Variants in FAM169A observed in about 807,000 individuals in gnomAD.
FAM169A encodes the protein soluble lamin-associated protein of 75 kDa.
In FAM169A, 24 loss-of-function variants were observed where a neutral mutation model predicts 75.7. That is an observed-to-expected ratio of 0.32 (90% CI 0.23 to 0.45). FAM169A has a LOEUF of 0.45. FAM169A is among the 20% of genes least tolerant of loss of function. The pLI, the probability that FAM169A is intolerant of heterozygous loss-of-function variation, is 1.00. For missense variants in FAM169A, 673 were observed against 784.0 expected, an observed-to-expected ratio of 0.86 and a Z score of 1.69; for synonymous variants, 271 against 271.0, an observed-to-expected ratio of 1.00 and a Z score of 0.00.
intron 5 of FAM169A, 104 bp downstream of exon 5, chr5:74,834,322 A>G (rs1220667582): frequency 5.0e-6 from 3 of 594,850 alleles, no homozygotes; most frequent in Non-Finnish European, 7.7e-6. Context: ...AATCACCTCA[A>G]TTTGCATGCT....
intron 6 of FAM169A, among the ~76,000 whole-genome samples, chr5:74,812,530 T>C (rs1310983116): frequency 6.6e-6 from 1 of 151,908 alleles, no homozygotes; most frequent in Non-Finnish European, 1.5e-5. Flanking sequence ...TCCTCCCACC[T>C]CAGCCTTTGG....
At chr5:74,851,848 C>G (rs914274189) in intron 1 of FAM169A, among the ~76,000 whole-genome samples, 1 of 152,138 alleles carries the variant, frequency 6.6e-6, no homozygotes, top group Non-Finnish European at 1.5e-5. Context: ...TTATACCTGG[C>G]TTCTCTACCA....
intron 5 of FAM169A, among the ~76,000 whole-genome samples, chr5:74,825,521 T>TA (rs1747976732): frequency 6.6e-6 from 1 of 152,200 alleles, no homozygotes; most frequent in Admixed American, 6.5e-5. Flanking sequence ...TTTTCTCTCT[T>TA]AGTTTCCTAA....
At chr5:74,794,826 G>T (rs190530971) in intron 11 of FAM169A, among the ~76,000 whole-genome samples, 1 of 151,714 alleles carries the variant, frequency 6.6e-6, no homozygotes, top group African/African-American at 2.4e-5. Flanking sequence ...GCGTGTTGGT[G>T]TACCTGTAAT....
At chr5:74,821,078 A>G (rs896315906) in intron 5 of FAM169A, among the ~76,000 whole-genome samples, 1 of 152,124 alleles carries the variant, frequency 6.6e-6, no homozygotes, top group African/African-American at 2.4e-5. Context: ...CACACGTTCT[A>G]TTCTTTTAAT....
intron 5 of FAM169A, among the ~76,000 whole-genome samples, chr5:74,824,700 C>CACACACAT (rs1185043529): frequency 1.6e-5 from 2 of 124,452 alleles, no homozygotes; most frequent in Admixed American, 7.7e-5. Flanking sequence ...TTTCCTGATA[C>CACACACAT]ACACACATAC....
intron 1 of FAM169A, among the ~76,000 whole-genome samples, chr5:74,853,937 G>T (rs1383571712): frequency 1.3e-4 from 19 of 149,506 alleles, no homozygotes; most frequent in South Asian, 6.3e-4. Flanking sequence ...TTTTAAAGCT[G>T]AAGTTAAAAA....
chr5:74,849,707 A>C (rs1749342802), intron 1 of FAM169A, among the ~76,000 whole-genome samples: 1 of 151,968 alleles, frequency 6.6e-6, no homozygotes, highest in Non-Finnish European at 1.5e-5. Context: ...TGGGCCCTGT[A>C]CTACATCAGC....
intron 1 of FAM169A, among the ~76,000 whole-genome samples, chr5:74,854,141 C>T (rs1178050962): frequency 6.6e-6 from 1 of 152,090 alleles, no homozygotes; most frequent in East Asian, 1.9e-4. Context: ...CACCTGTAAT[C>T]CCAGCACTTT....
chr5:74,828,169 T>C, intron 5 of FAM169A, among the ~76,000 whole-genome samples: 1 of 152,230 alleles, frequency 6.6e-6, no homozygotes, highest in Non-Finnish European at 1.5e-5. Flanking sequence ...TATCACACAG[T>C]GATCTATTAT....
At position 74,781,589 on chromosome 5, in the gene FAM169A, C is replaced by T. The variant is rs756399674; in HGVS notation, c.1884G>A (p.Ser628=). The change falls in exon 13 of 13, where the codon TCG becomes TCA. Residue 628 remains serine, a synonymous_variant. Coordinates refer to ENST00000687041, the MANE Select transcript of FAM169A (RefSeq NM_001376049.1). Reference sequence around the variant, plus strand: ...AGCTGCTATCCACAGCTTTTTCTGCCGATTGTGTAAACTGATCCAGTTGCT... The same window carrying T: ...AGCTGCTATCCACAGCTTTTTCTGCTGATTGTGTAAACTGATCCAGTTGCT... ...SSEQLDQFTQ[S]AEKAVDSSSE... 8 of 1,614,028 alleles carry T rather than the reference C, an allele frequency of 5.0e-6. No individual in the cohort carries two copies. The highest frequency in any genetic ancestry group is 5.1e-6 in the Non-Finnish European group (6 of 1,180,022).
chr5:74,793,045 G>A (rs1412863446), intron 11 of FAM169A, among the ~76,000 whole-genome samples: 1 of 152,192 alleles, frequency 6.6e-6, no homozygotes, highest in African/African-American at 2.4e-5. Context: ...GGTATATATA[G>A]GCCAGGCACA....
chr5:74,810,477 C>T (rs951337147), intron 6 of FAM169A, among the ~76,000 whole-genome samples: 32 of 151,948 alleles, frequency 2.1e-4, no homozygotes, highest in Non-Finnish European at 4.0e-4. Flanking sequence ...AGGCTGGGCG[C>T]GGTGGCTCAC....
At chr5:74,789,029 A>C (rs1745839221) in intron 11 of FAM169A, among the ~76,000 whole-genome samples, 1 of 152,204 alleles carries the variant, frequency 6.6e-6, no homozygotes, top group Non-Finnish European at 1.5e-5. Flanking sequence ...CCTGTCCATA[A>C]GGCCCACCAG....
At chr5:74,818,780 T>G (rs1420625680) in intron 5 of FAM169A, among the ~76,000 whole-genome samples, 3 of 126,550 alleles carry the variant, frequency 2.4e-5, no homozygotes, top group African/African-American at 1.1e-4. Context: ...GCTCTCTCTC[T>G]CTCTCTCTCT....
At chr5:74,849,799 T>G (rs1749347090) in intron 1 of FAM169A, among the ~76,000 whole-genome samples, 2 of 152,192 alleles carry the variant, frequency 1.3e-5, no homozygotes, top group Admixed American at 1.3e-4. Context: ...CTCTAACCAC[T>G]CATCTTTTTC....
intron 5 of FAM169A, among the ~76,000 whole-genome samples, chr5:74,821,572 A>T (rs1192365495): frequency 6.6e-6 from 1 of 152,220 alleles, no homozygotes; most frequent in Non-Finnish European, 1.5e-5. Flanking sequence ...AACCTGTCAT[A>T]TACCACTAGG....
chr5:74,801,474 T>C, intron 9 of FAM169A, 116 bp downstream of exon 9: 2 of 839,698 alleles, frequency 2.4e-6, no homozygotes. Flanking sequence ...TTAGAGCTGG[T>C]TAAGTCTTCA....
intron 1 of FAM169A, among the ~76,000 whole-genome samples, chr5:74,862,306 G>C (rs1231721471): frequency 6.6e-6 from 1 of 152,128 alleles, no homozygotes; most frequent in Non-Finnish European, 1.5e-5. Flanking sequence ...TTCACAATCA[G>C]GCCCCAACCC....
Sources: gnomAD v4.1 joint callset for allele counts (sites outside exome capture counted in the v4.1 genomes callset) on GRCh38, gnomAD v4.1.1 for gene constraint, MANE v1.5 for transcripts, NCBI Gene and HGNC (gene_info 2026-07-23, HGNC 2026-07-21) for gene names.